Variants in SLC24A2 observed in about 807,000 individuals in gnomAD.
SLC24A2 encodes the protein sodium/potassium/calcium exchanger 2.
Under a neutral mutation model 62.0 loss-of-function variants are expected in SLC24A2, and 36 were observed. That is an observed-to-expected ratio of 0.58 (90% CI 0.44 to 0.77). The LOEUF is 0.77. Ranked by LOEUF, SLC24A2 falls within the 30% of genes least tolerant of loss-of-function variation. The pLI is 0.00. For missense variants in SLC24A2, 846 were observed against 817.9 expected (o/e 1.03, Z -0.42); for synonymous variants, 358 against 294.0 (o/e 1.22, Z -2.23).
At chr9:19,956,887 T>C in the SLC24A2 span, among the ~76,000 whole-genome samples, 1 of 152,186 alleles carries the variant, frequency 6.6e-6, no homozygotes, top group Non-Finnish European at 1.5e-5. Context: ...CCTTTTGTCA[T>C]GTGAGGACAC....
intron 2 of SLC24A2, among the ~76,000 whole-genome samples, chr9:19,710,532 A>G (rs1587197669): frequency 6.6e-6 from 1 of 152,226 alleles, no homozygotes; most frequent in African/African-American, 2.4e-5. Context: ...ACACATTTAC[A>G]GGTTCAAATA....
the SLC24A2 span, among the ~76,000 whole-genome samples, chr9:19,935,026 A>G: frequency 6.6e-6 from 1 of 151,554 alleles, no homozygotes; most frequent in Non-Finnish European, 1.5e-5. Context: ...ACTACCACTT[A>G]TTTTTATTTT....
intron 2 of SLC24A2, among the ~76,000 whole-genome samples, chr9:19,712,854 G>C (rs189138003): frequency 2.0e-5 from 3 of 152,118 alleles, no homozygotes; most frequent in African/African-American, 7.2e-5. Context: ...CAGCATCCTT[G>C]TTCTCTATCC....
the SLC24A2 span, among the ~76,000 whole-genome samples, chr9:19,834,526 A>T: frequency 1.4e-3 from 208 of 152,334 alleles, 2 homozygotes; most frequent in African/African-American, 4.8e-3. Context: ...GTTTAGAGAA[A>T]AAAGAATAAA....
At chr9:19,811,139 G>A in the SLC24A2 span, among the ~76,000 whole-genome samples, 7 of 152,162 alleles carry the variant, frequency 4.6e-5, no homozygotes, top group African/African-American at 1.7e-4. Context: ...TCATGAATGA[G>A]ATGAGTGCCT....
At chr9:20,184,607 T>G in the SLC24A2 span, among the ~76,000 whole-genome samples, 1 of 152,010 alleles carries the variant, frequency 6.6e-6, no homozygotes, top group Middle Eastern at 3.2e-3. Flanking sequence ...AGATAACAAG[T>G]GCTGGTGAGG....
the SLC24A2 span, among the ~76,000 whole-genome samples, chr9:20,271,659 C>T: frequency 6.6e-6 from 1 of 152,140 alleles, no homozygotes; most frequent in Non-Finnish European, 1.5e-5. Flanking sequence ...AAGCAAGAGA[C>T]TGACACAGAT....
the SLC24A2 span, among the ~76,000 whole-genome samples, chr9:19,843,375 G>A: frequency 2.2e-3 from 342 of 152,292 alleles, 2 homozygotes; most frequent in Non-Finnish European, 4.2e-3. Flanking sequence ...AGCCAGGCGT[G>A]GTGGCGCATG....
the SLC24A2 span, among the ~76,000 whole-genome samples, chr9:19,874,769 G>T: frequency 6.6e-6 from 1 of 152,258 alleles, no homozygotes; most frequent in South Asian, 2.1e-4. Flanking sequence ...CTGAGTTATT[G>T]ATGATATCTT....
the SLC24A2 span, among the ~76,000 whole-genome samples, chr9:19,802,087 A>G: frequency 6.6e-6 from 1 of 152,170 alleles, no homozygotes; most frequent in Non-Finnish European, 1.5e-5. Flanking sequence ...TTTAGAGTAA[A>G]TTTATTAGTT....
At chr9:19,789,229 G>C (rs777429725), upstream of SLC24A2, among the ~76,000 whole-genome samples, 5 of 152,382 alleles carry the variant, frequency 3.3e-5, no homozygotes, top group African/African-American at 1.2e-4. Flanking sequence ...CAGTGTGGAC[G>C]GGGGTCAGGA....
chr9:20,099,007 T>A, the SLC24A2 span, among the ~76,000 whole-genome samples: 4 of 152,186 alleles, frequency 2.6e-5, no homozygotes, highest in African/African-American at 7.2e-5. Context: ...TTAAAACACA[T>A]CATTATGCAG....
At chr9:20,029,604 C>T in the SLC24A2 span, among the ~76,000 whole-genome samples, 8 of 152,204 alleles carry the variant, frequency 5.3e-5, no homozygotes, top group African/African-American at 1.7e-4. Context: ...CATAGTCAAA[C>T]ACACCTATAC....
At chr9:20,292,555 C>T in the SLC24A2 span, among the ~76,000 whole-genome samples, 1 of 152,234 alleles carries the variant, frequency 6.6e-6, no homozygotes, top group African/African-American at 2.4e-5. Context: ...CAAAGTACCA[C>T]AAACTGGGTG....
intron 8 of SLC24A2, among the ~76,000 whole-genome samples, chr9:19,529,181 G>C (rs1833577879): frequency 6.6e-6 from 1 of 152,074 alleles, no homozygotes; most frequent in South Asian, 2.1e-4. Context: ...TTTTTGCTTT[G>C]ATAATGCCAT....
chr9:20,212,992 C>T, the SLC24A2 span, among the ~76,000 whole-genome samples: 1 of 151,570 alleles, frequency 6.6e-6, no homozygotes, highest in Non-Finnish European at 1.5e-5. Context: ...GACACAGGGA[C>T]GGGAACAACA....
the SLC24A2 span, among the ~76,000 whole-genome samples, chr9:20,293,685 CT>C: frequency 6.6e-6 from 1 of 152,182 alleles, no homozygotes; most frequent in Non-Finnish European, 1.5e-5. Context: ...CTTTGCTCAT[CT>C]CCTATGATCT....
chr9:19,856,718 CT>C, the SLC24A2 span, among the ~76,000 whole-genome samples: 1 of 152,168 alleles, frequency 6.6e-6, no homozygotes, highest in Non-Finnish European at 1.5e-5. Context: ...GGAAATGCTC[CT>C]GTATAAGGTG....
the SLC24A2 span, among the ~76,000 whole-genome samples, chr9:19,938,334 G>C: frequency 5.9e-5 from 9 of 152,178 alleles, no homozygotes; most frequent in South Asian, 1.9e-3. Context: ...CAAAAGAAAA[G>C]TCTGAGAAAA....
Sources: gnomAD v4.1 joint callset for allele counts (sites outside exome capture counted in the v4.1 genomes callset) on GRCh38, gnomAD v4.1.1 for gene constraint, MANE v1.5 for transcripts, NCBI Gene and HGNC (gene_info 2026-07-23, HGNC 2026-07-21) for gene names.